The following ABI3BP variants were observed in gnomAD, a reference collection of about 807,000 sequenced individuals.
ABI3BP encodes ABI family member 3 binding protein.
Under a neutral mutation model 268.6 loss-of-function variants are expected in ABI3BP, and 216 were observed. The observed-to-expected ratio is 0.80, with a 90% CI of 0.72 to 0.90. ABI3BP has a LOEUF of 0.90. Among genes scored for constraint, ABI3BP ranks in the 40% least tolerant of loss-of-function variants. The pLI, the probability that ABI3BP is intolerant of heterozygous loss-of-function variation, is 0.00. For missense variants in ABI3BP, 2,090 were observed against 2,182.4 expected (o/e 0.96, Z 0.84); for synonymous variants, 730 against 730.0 (o/e 1.00, Z 0.00).
At chr3:100,841,220 T>TTTTTTTTTTTTTTGTTTTTTTG (rs1560681726) in intron 21 of ABI3BP, among the ~76,000 whole-genome samples, 16 of 119,584 alleles carry the variant, frequency 1.3e-4, no homozygotes, top group Non-Finnish European at 1.9e-4. Context: ...TTTTTTTTTT[T>TTTTTTTTTTTTTTGTTTTTTTG]TTTTTTTGCT....
intron 4 of ABI3BP, among the ~76,000 whole-genome samples, chr3:100,888,566 A>G (rs1180917501): frequency 6.6e-6 from 1 of 152,112 alleles, no homozygotes; most frequent in African/African-American, 2.4e-5. Context: ...ACCTGCTTAT[A>G]AATAAATGAG....
chr3:100,810,561 T>G (rs1408876416), intron 48 of ABI3BP, 84 bp from the exon 49 acceptor site: 6 of 949,026 alleles, frequency 6.3e-6, no homozygotes, highest in Non-Finnish European at 9.2e-6. Flanking sequence ...TGGTAACAAA[T>G]AGATTTTTTT....
At chr3:100,908,244 T>G (rs566136766) in intron 2 of ABI3BP, among the ~76,000 whole-genome samples, 27 of 152,280 alleles carry the variant, frequency 1.8e-4, no homozygotes, top group Non-Finnish European at 3.4e-4. Context: ...AAATATATCT[T>G]AAAACATCTA....
intron 2 of ABI3BP, chr3:100,911,341 A>T (rs944314526): frequency 3.6e-6 from 1 of 275,452 alleles, no homozygotes; most frequent in Non-Finnish European, 7.0e-6. Flanking sequence ...AAAGGTCCAT[A>T]ATGCTTGACC....
At chr3:100,893,940 A>T (rs1213460511) in intron 4 of ABI3BP, among the ~76,000 whole-genome samples, 2 of 152,176 alleles carry the variant, frequency 1.3e-5, no homozygotes, top group Non-Finnish European at 2.9e-5. Flanking sequence ...GTAAAGATAA[A>T]TTCAGGATGA....
intron 59 of ABI3BP, among the ~76,000 whole-genome samples, chr3:100,777,523 T>C (rs1335461677): frequency 6.6e-6 from 1 of 152,190 alleles, no homozygotes; most frequent in East Asian, 1.9e-4. Flanking sequence ...GCTCACAGTC[T>C]ATTGGGGAAG....
chr3:100,904,816 C>T (rs1425015191), intron 2 of ABI3BP, among the ~76,000 whole-genome samples: 1 of 152,282 alleles, frequency 6.6e-6, no homozygotes, highest in Middle Eastern at 3.4e-3. Context: ...GTTGGTGGGA[C>T]TGTAAACTAG....
chr3:100,877,990 T>TA (rs994412539), intron 6 of ABI3BP, among the ~76,000 whole-genome samples: 4 of 152,202 alleles, frequency 2.6e-5, no homozygotes, highest in African/African-American at 7.2e-5. Context: ...TCTTATGTTT[T>TA]AAAAAAATCA....
At chr3:100,775,448 T>G (rs963825812) in intron 59 of ABI3BP, 113 bp from the exon 60 acceptor site, 3 of 1,388,752 alleles carry the variant, frequency 2.2e-6, no homozygotes, top group Non-Finnish European at 2.9e-6. Flanking sequence ...CTTGGCACTA[T>G]AGACCAGGCT....
At chr3:100,959,563 CA>C (rs1291020496) in intron 1 of ABI3BP, among the ~76,000 whole-genome samples, 6 of 146,482 alleles carry the variant, frequency 4.1e-5, no homozygotes, top group African/African-American at 1.5e-4. Context: ...TGTCCCCTAT[CA>C]ATTGGCTAAT....
intron 5 of ABI3BP, 53 bp downstream of exon 5, chr3:100,886,089 A>T: frequency 7.1e-7 from 1 of 1,408,380 alleles, no homozygotes; most frequent in Non-Finnish European, 9.5e-7. Context: ...AAATTAGGTA[A>T]CTAAGAAAAA....
rs201460934 is a variant in ABI3BP at position 100,750,134 on chromosome 3, A to AT, written c.*360dup. On this transcript the variant is annotated 3_prime_UTR_variant, in exon 68 of 68. Transcript: ENST00000471714. ...GAAGAGTACACATCAATAAAAGTAAATTTTTTTTAAAAAGTATATACCTTT... is the reference window on the plus strand; with the variant it reads ...GAAGAGTACACATCAATAAAAGTAAATTTTTTTTTAAAAAGTATATACCTTT... The AT allele has an allele frequency of 3.3e-5, 7 of 214,916 alleles. No homozygotes were observed. The highest frequency in any genetic ancestry group is 1.8e-4 in the South Asian group (1 of 5,440). 13.3% of individuals were successfully genotyped at this position (214,916 alleles called of 1,614,324 possible). A position where few individuals can be genotyped will look rare whatever the true frequency, so the allele number is the denominator to read the frequency against.
At chr3:100,777,318 A>G (rs144325785) in intron 59 of ABI3BP, among the ~76,000 whole-genome samples, 1 of 152,314 alleles carries the variant, frequency 6.6e-6, no homozygotes, top group East Asian at 1.9e-4. Flanking sequence ...AACATGCTGA[A>G]ATTTGCTGGC....
At chr3:100,774,359 G>A (rs532817785) in intron 61 of ABI3BP, among the ~76,000 whole-genome samples, 1 of 152,256 alleles carries the variant, frequency 6.6e-6, no homozygotes, top group South Asian at 2.1e-4. Flanking sequence ...GTAAACACAT[G>A]TGGGGTGGAC....
intron 47 of ABI3BP, 112 bp downstream of exon 47, chr3:100,811,616 G>A (rs897802304): frequency 9.1e-7 from 1 of 1,097,060 alleles, no homozygotes; most frequent in Non-Finnish European, 1.3e-6. Flanking sequence ...CTTCAAATCT[G>A]TTTAATTGTG....
intron 14 of ABI3BP, among the ~76,000 whole-genome samples, chr3:100,858,391 T>C (rs2098961860): frequency 6.6e-6 from 1 of 152,152 alleles, no homozygotes; most frequent in Admixed American, 6.5e-5. Context: ...TGACTACACA[T>C]CTCAGATTTC....
At chr3:100,792,818 A>G (rs1482028077) in intron 54 of ABI3BP, 50 bp from the exon 55 acceptor site, 3 of 1,514,898 alleles carry the variant, frequency 2.0e-6, no homozygotes, top group Non-Finnish European at 1.8e-6. Context: ...AACATTATGA[A>G]TATGACCAAA....
chr3:100,984,828 C>T (rs895138930), intron 1 of ABI3BP, among the ~76,000 whole-genome samples: 1 of 151,854 alleles, frequency 6.6e-6, no homozygotes, highest in Non-Finnish European at 1.5e-5. Context: ...CGGGGCCTTC[C>T]CAACACAAGA....
At chr3:100,898,485 T>C (rs548207967) in intron 4 of ABI3BP, among the ~76,000 whole-genome samples, 31 of 152,360 alleles carry the variant, frequency 2.0e-4, no homozygotes, top group African/African-American at 7.0e-4. Flanking sequence ...GGCCCCGCCT[T>C]CTGAGTTTCT....
Sources: allele counts gnomAD v4.1 joint callset (sites outside exome capture counted in the v4.1 genomes callset), GRCh38; gene constraint gnomAD v4.1.1; transcripts MANE v1.5; gene names NCBI Gene and HGNC (gene_info 2026-07-23, HGNC 2026-07-21).